SLIT2: variants seen among roughly 807,000 people sequenced by gnomAD.
SLIT2 encodes the protein slit guidance ligand 2, also known as slit homolog 2 protein.
A neutral mutation model predicts 185.7 loss-of-function variants in SLIT2; 41 were observed. That is an observed-to-expected ratio of 0.22 (90% confidence interval 0.17 to 0.29). The LOEUF is 0.29. Among genes scored for constraint, SLIT2 ranks in the 10% least tolerant of loss-of-function variants. The pLI is 1.00. For missense variants in SLIT2, 1,571 were observed against 1,909.0 expected (o/e 0.82, Z 3.30); for synonymous variants, 693 against 680.2 (o/e 1.02, Z -0.29).
chr4:20,281,447 G>A (rs941307834), intron 4 of SLIT2, among the ~76,000 whole-genome samples: 8 of 152,094 alleles, frequency 5.3e-5, no homozygotes, highest in Non-Finnish European at 1.0e-4. Flanking sequence ...TTGTGCACCC[G>A]GGACAATTCA....
chr4:20,258,973 G>T (rs957056281), intron 3 of SLIT2, among the ~76,000 whole-genome samples: 1 of 151,580 alleles, frequency 6.6e-6, no homozygotes, highest in African/African-American at 2.4e-5. Flanking sequence ...GTAGAAAAAT[G>T]GTTTGTCCCC....
intron 4 of SLIT2, among the ~76,000 whole-genome samples, chr4:20,314,599 T>C (rs1390577525): frequency 6.6e-6 from 1 of 152,186 alleles, no homozygotes; most frequent in Admixed American, 6.5e-5. Flanking sequence ...CAGTATTGGC[T>C]GTCTATATTC....
chr4:20,366,952 C>T (rs1181730153), intron 4 of SLIT2, among the ~76,000 whole-genome samples: 1 of 151,938 alleles, frequency 6.6e-6, no homozygotes, highest in African/African-American at 2.4e-5. Context: ...CAACCATCAC[C>T]ACCCCTGGCT....
intron 4 of SLIT2, among the ~76,000 whole-genome samples, chr4:20,319,113 GAA>G (rs572878102): frequency 6.6e-6 from 1 of 152,132 alleles, no homozygotes; most frequent in African/African-American, 2.4e-5. Flanking sequence ...CTTTAAAGGG[GAA>G]AAGACTGTTG....
intron 29 of SLIT2, 142 bp from the exon 30 acceptor site, chr4:20,589,495 CCTTGTGG>C: frequency 1.5e-6 from 1 of 646,516 alleles, no homozygotes; most frequent in South Asian, 1.9e-5. Context: ...TGGTTCCATG[CCTTGTGG>C]CTTTTGTTTT....
At chr4:20,463,356 T>G (rs1167664232) in intron 4 of SLIT2, among the ~76,000 whole-genome samples, 1 of 150,820 alleles carries the variant, frequency 6.6e-6, no homozygotes, top group Non-Finnish European at 1.5e-5. Flanking sequence ...CGCCAATGAC[T>G]GTTCCTTCTT....
chr4:20,268,732 G>T (rs1000708483), intron 3 of SLIT2, 78 bp from the exon 4 acceptor site: 2 of 881,720 alleles, frequency 2.3e-6, no homozygotes, highest in Non-Finnish European at 3.9e-6. Context: ...ACAGGATGAG[G>T]CATGACACTA....
Position 20,491,811 on chromosome 4 carries a change from G to A in SLIT2, c.826G>A (p.Ala276Thr), listed in dbSNP as rs148733702. ...PSCSVLHCPA[A>T]CTCSNNIVDC... is the part of the protein sequence containing the mutation. Reference sequence around the variant, plus strand: ...TTGTAGTGTTTTGCACTGCCCTGCCGCCTGTACCTGTAGCAACAATATCGT... The same window carrying A: ...TTGTAGTGTTTTGCACTGCCCTGCCACCTGTACCTGTAGCAACAATATCGT... The change falls in exon 9 of 37, where the codon GCC becomes ACC. Residue 276 changes from alanine to threonine, a missense_variant. Physicochemically the swap from Ala to Thr is moderately conservative, Grantham distance 58. Transcript: ENST00000504154. The A allele has an allele frequency of 2.8e-4, 448 of 1,613,746 alleles. No homozygotes were observed. Among genetic ancestry groups the A allele is most frequent in the Non-Finnish European group, 3.5e-4 (410 of 1,179,810 alleles).
chr4:20,531,765 T>G (rs1160997687), intron 16 of SLIT2, among the ~76,000 whole-genome samples: 1 of 151,746 alleles, frequency 6.6e-6, no homozygotes, highest in African/African-American at 2.4e-5. Context: ...GTGTTTTTTT[T>G]TTTTTACTGT....
At chr4:20,534,500 G>A (rs922950395) in intron 18 of SLIT2, among the ~76,000 whole-genome samples, 7 of 152,062 alleles carry the variant, frequency 4.6e-5, no homozygotes, top group African/African-American at 9.7e-5. Context: ...ATACAAACAC[G>A]CATATACACA....
intron 4 of SLIT2, among the ~76,000 whole-genome samples, chr4:20,273,311 T>C (rs950548809): frequency 1.3e-5 from 2 of 152,222 alleles, no homozygotes; most frequent in African/African-American, 4.8e-5. Context: ...TACGCAGATA[T>C]AGCCATTATT....
chr4:20,513,092 A>G (rs1481448224), intron 11 of SLIT2, among the ~76,000 whole-genome samples: 1 of 152,232 alleles, frequency 6.6e-6, no homozygotes, highest in Non-Finnish European at 1.5e-5. Context: ...ATGTAAAATA[A>G]CATGCTTGCT....
Position 20,539,560 on chromosome 4 carries a change from A to G in SLIT2, c.1952A>G (p.Asp651Gly), listed in dbSNP as rs1722614472. The change falls in exon 19 of 37, where the codon GAT becomes GGT. Residue 651 changes from aspartate (D) to glycine (G), a missense_variant. Physicochemically the swap from Asp to Gly is moderately conservative, Grantham distance 94. Transcript: ENST00000504154. ...QITTVAPGAF[D>G]TLHSLSTLNL... The stretch of plus-strand genomic sequence containing the variant: ...ACTACAGTTGCACCAGGGGCATTTG[A>G]TACTCTCCATTCTTTATCTACTCTG... The G allele has an allele frequency of 1.2e-6, 2 of 1,611,660 alleles. No homozygotes were observed. The highest frequency in any genetic ancestry group is 1.1e-5 in the South Asian group (1 of 90,970).
intron 22 of SLIT2, among the ~76,000 whole-genome samples, chr4:20,546,440 G>A (rs1453589607): frequency 6.6e-6 from 1 of 152,072 alleles, no homozygotes; most frequent in African/African-American, 2.4e-5. Flanking sequence ...GATAGAAAAC[G>A]ATGCCTTTAT....
At chr4:20,321,818 C>A (rs1171164215) in intron 4 of SLIT2, among the ~76,000 whole-genome samples, 2 of 152,182 alleles carry the variant, frequency 1.3e-5, no homozygotes, top group Non-Finnish European at 2.9e-5. Context: ...TTATTCAAAT[C>A]TGATTCCTAA....
chr4:20,343,802 T>TAAAA (rs34514669), intron 4 of SLIT2, among the ~76,000 whole-genome samples: 110 of 130,598 alleles, frequency 8.4e-4, no homozygotes, highest in African/African-American at 2.9e-3. Flanking sequence ...TCCTTAAAAC[T>TAAAA]AAAAAAAAAA....
At chr4:20,581,207 G>A (rs1726535339) in intron 29 of SLIT2, among the ~76,000 whole-genome samples, 2 of 152,112 alleles carry the variant, frequency 1.3e-5, no homozygotes, top group South Asian at 2.1e-4. Context: ...TGTCTAGTTG[G>A]CTTCTCCCTG....
At chr4:20,586,552 G>A (rs1338947620) in intron 29 of SLIT2, among the ~76,000 whole-genome samples, 1 of 152,138 alleles carries the variant, frequency 6.6e-6, no homozygotes, top group Admixed American at 6.5e-5. Context: ...ACATAACAGT[G>A]CAACCCTAAA....
At chr4:20,406,438 C>G (rs1244901390) in intron 4 of SLIT2, among the ~76,000 whole-genome samples, 6 of 142,920 alleles carry the variant, frequency 4.2e-5, no homozygotes, top group Admixed American at 3.6e-4. Flanking sequence ...AAACCTCTTA[C>G]AAATCAATAA....
Sources: allele counts gnomAD v4.1 joint callset (sites outside exome capture counted in the v4.1 genomes callset), GRCh38; gene constraint gnomAD v4.1.1; transcripts MANE v1.5; gene names NCBI Gene and HGNC (gene_info 2026-07-23, HGNC 2026-07-21).